The following DOCK3 variants were observed in gnomAD, a reference collection of about 807,000 sequenced individuals.
DOCK3 encodes the protein dedicator of cytokinesis 3.
DOCK3 carries 60 observed loss-of-function variants against 265.6 expected under a neutral mutation model. The observed-to-expected ratio is 0.23, with a 90% CI of 0.18 to 0.28. DOCK3 has a LOEUF of 0.28. DOCK3 is among the 10% of genes least tolerant of loss of function. The pLI, the probability that DOCK3 is intolerant of heterozygous loss-of-function variation, is 1.00. For synonymous variants in DOCK3, 881 were observed against 938.0 expected (o/e 0.94, Z 1.11); for missense variants, 1,981 against 2,594.3 (o/e 0.76, Z 5.14).
chr3:50,936,567 G>A (rs141680601), intron 5 of DOCK3, among the ~76,000 whole-genome samples: 3 of 152,180 alleles, frequency 2.0e-5, no homozygotes, highest in African/African-American at 7.2e-5. Context: ...GTAGCTAGAG[G>A]ACATTAACAC....
chr3:51,356,686 G>C (rs774412816), intron 43 of DOCK3, among the ~76,000 whole-genome samples, 193 bp downstream of exon 43: 1 of 152,020 alleles, frequency 6.6e-6, no homozygotes, highest in Non-Finnish European at 1.5e-5. Context: ...CTGAGCAGCA[G>C]GTATTTTCAA....
At chr3:50,711,110 A>C (rs1214382167) in intron 1 of DOCK3, among the ~76,000 whole-genome samples, 1 of 152,212 alleles carries the variant, frequency 6.6e-6, no homozygotes, top group African/African-American at 2.4e-5. Flanking sequence ...ATTGAAATAA[A>C]AAAGGCCACT....
At chr3:50,877,596 C>T in intron 3 of DOCK3, 1 of 516,804 alleles carries the variant, frequency 1.9e-6, no homozygotes, top group Middle Eastern at 3.3e-4. Context: ...CATCTCTGAA[C>T]AAGACAGTGG....
chr3:51,067,598 C>T (rs1338921342), intron 6 of DOCK3, among the ~76,000 whole-genome samples: 1 of 151,776 alleles, frequency 6.6e-6, no homozygotes, highest in Non-Finnish European at 1.5e-5. Context: ...TTCTTTTCTT[C>T]TCCTTTCTTC....
chr3:50,927,267 C>T (rs1288240388), intron 4 of DOCK3, among the ~76,000 whole-genome samples: 1 of 152,112 alleles, frequency 6.6e-6, no homozygotes, highest in Non-Finnish European at 1.5e-5. Flanking sequence ...GATGCTCCCA[C>T]AGGGCAGTGG....
At chr3:51,008,975 A>G (rs1270970352) in intron 5 of DOCK3, among the ~76,000 whole-genome samples, 1 of 151,982 alleles carries the variant, frequency 6.6e-6, no homozygotes, top group East Asian at 1.9e-4. Context: ...AGCCAACTTG[A>G]TCTTGGTGGA....
chr3:50,815,458 A>C (rs894954910), intron 2 of DOCK3, among the ~76,000 whole-genome samples: 2 of 152,108 alleles, frequency 1.3e-5, no homozygotes, highest in African/African-American at 2.4e-5. Flanking sequence ...TGGTTTTTGT[A>C]CCTCACTTCA....
chr3:50,889,066 GGTGTGTGTGTGTGTGT>G (rs36180907), intron 3 of DOCK3, among the ~76,000 whole-genome samples: 16 of 134,268 alleles, frequency 1.2e-4, no homozygotes, highest in South Asian at 1.1e-3. Context: ...TTAAGCCATG[GGTGTGTGTGTGTGTGT>G]GTGTGTGTGT....
chr3:50,821,982 A>C (rs1051290288), intron 2 of DOCK3, among the ~76,000 whole-genome samples: 1 of 152,082 alleles, frequency 6.6e-6, no homozygotes, highest in East Asian at 1.9e-4. Flanking sequence ...TTGCTTTGCT[A>C]TTTGGGCTCC....
chr3:50,678,745 G>A (rs1303469372), intron 1 of DOCK3, among the ~76,000 whole-genome samples: 1 of 151,800 alleles, frequency 6.6e-6, no homozygotes. Context: ...GGGCTCAAGC[G>A]ATCCCCCTGC....
At chr3:51,342,003 A>C (rs925351442) in intron 38 of DOCK3, among the ~76,000 whole-genome samples, 1 of 152,070 alleles carries the variant, frequency 6.6e-6, no homozygotes, top group Non-Finnish European at 1.5e-5. Flanking sequence ...CCCTCTGACT[A>C]CCTACTGTTA....
At chr3:51,280,454 A>G (rs1247923534) in intron 27 of DOCK3, among the ~76,000 whole-genome samples, 2 of 152,162 alleles carry the variant, frequency 1.3e-5, no homozygotes, top group Non-Finnish European at 2.9e-5. Context: ...ATGTGCCTCT[A>G]TTAGAGGCTA....
chr3:51,063,222 A>AG (rs1354786681), intron 5 of DOCK3, among the ~76,000 whole-genome samples: 2 of 152,030 alleles, frequency 1.3e-5, no homozygotes, highest in East Asian at 3.9e-4. Flanking sequence ...ATCAAAAAAA[A>AG]AAAATATTAG....
chr3:50,793,854 T>C (rs769913450), intron 2 of DOCK3, among the ~76,000 whole-genome samples: 12 of 152,228 alleles, frequency 7.9e-5, no homozygotes, highest in Non-Finnish European at 1.3e-4. Context: ...TCTTTCTTTT[T>C]GGTGTAGGCA....
At chr3:50,860,899 A>T (rs1019938385) in intron 3 of DOCK3, among the ~76,000 whole-genome samples, 5 of 152,220 alleles carry the variant, frequency 3.3e-5, no homozygotes, top group Non-Finnish European at 5.9e-5. Flanking sequence ...CTAGGGGTAC[A>T]TACAGCAGTC....
intron 5 of DOCK3, among the ~76,000 whole-genome samples, chr3:51,048,639 C>T (rs4927975): frequency 0.072 from 10,916 of 152,202 alleles, 986 homozygotes; most frequent in East Asian, 0.33. Flanking sequence ...TCTCAGCCAT[C>T]CATGTGGGTA....
intron 32 of DOCK3, among the ~76,000 whole-genome samples, chr3:51,322,122 G>A (rs1469057109): frequency 2.0e-5 from 3 of 152,352 alleles, no homozygotes; most frequent in East Asian, 1.9e-4. Context: ...CAGACTAACA[G>A]TGGATCTCTG....
chr3:50,829,899 A>G (rs1027783582), intron 2 of DOCK3, among the ~76,000 whole-genome samples: 1 of 152,210 alleles, frequency 6.6e-6, no homozygotes, highest in African/African-American at 2.4e-5. Context: ...TTTAATGTAC[A>G]TTTATTTATT....
intron 4 of DOCK3, among the ~76,000 whole-genome samples, chr3:50,903,400 CT>C (rs1410136673): frequency 6.6e-6 from 1 of 152,058 alleles, no homozygotes; most frequent in African/African-American, 2.4e-5. Context: ...TATTGAAGGC[CT>C]TTTCTGCATC....
Sources: allele counts gnomAD v4.1 joint callset (sites outside exome capture counted in the v4.1 genomes callset), GRCh38; gene constraint gnomAD v4.1.1; transcripts MANE v1.5; gene names NCBI Gene and HGNC (gene_info 2026-07-23, HGNC 2026-07-21).